CAPS2: variants seen among roughly 807,000 people sequenced by gnomAD.
The protein encoded by CAPS2 is calcyphosine 2, also known as calcyphosin-2.
A neutral mutation model predicts 86.5 loss-of-function variants in CAPS2; 98 were observed. The observed-to-expected ratio is 1.13, with a 90% confidence interval of 0.96 to 1.34. The LOEUF is 1.34. Ranked by LOEUF, CAPS2 falls within the 40% of genes most tolerant of loss-of-function variation. The pLI is 0.00. For synonymous variants in CAPS2, 210 were observed against 225.1 expected, an observed-to-expected ratio of 0.93 and a Z score of 0.60; for missense variants, 729 against 686.8, an observed-to-expected ratio of 1.06 and a Z score of -0.69.
intron 1 of CAPS2, among the ~76,000 whole-genome samples, chr12:75,388,757 C>G (rs577990612): frequency 2.6e-4 from 39 of 152,002 alleles, no homozygotes; most frequent in Non-Finnish European, 3.8e-4. Context: ...ATGTGCAACA[C>G]CAAGAATGAG....
At chr12:75,278,113 A>T (rs577282807) in exon 17 of CAPS2, 1 of 915,364 alleles carries the variant, frequency 1.1e-6, no homozygotes, top group Admixed American at 6.2e-5. Context: ...AATAAAGAAC[A>T]TTTCCCTTTC....
intron 1 of CAPS2, among the ~76,000 whole-genome samples, chr12:75,386,591 A>T (rs1206312294): frequency 6.6e-6 from 1 of 152,170 alleles, no homozygotes; most frequent in East Asian, 1.9e-4. Flanking sequence ...CCTCTTAAAG[A>T]TCCCACCCCT....
chr12:75,316,925 T>A (rs1017004590), intron 5 of CAPS2, among the ~76,000 whole-genome samples: 1 of 152,148 alleles, frequency 6.6e-6, no homozygotes, highest in African/African-American at 2.4e-5. Context: ...AAATACCAAA[T>A]TGTTCTTTGA....
intron 1 of CAPS2, among the ~76,000 whole-genome samples, chr12:75,381,075 G>A (rs377123499): frequency 6.6e-6 from 1 of 152,092 alleles, no homozygotes; most frequent in African/African-American, 2.4e-5. Context: ...ATCTCAACTT[G>A]AATTGTATCT....
At chr12:75,335,182 CT>C (rs2139218610) in intron 1 of CAPS2, among the ~76,000 whole-genome samples, 1 of 152,214 alleles carries the variant, frequency 6.6e-6, no homozygotes, top group Non-Finnish European at 1.5e-5. Context: ...GTTATAAGTA[CT>C]GAACACAGGA....
upstream of CAPS2, among the ~76,000 whole-genome samples, chr12:75,328,832 A>C (rs2041029872): frequency 6.6e-6 from 1 of 152,262 alleles, no homozygotes; most frequent in Non-Finnish European, 1.5e-5. Flanking sequence ...TAAATAAGTG[A>C]AGTCAGTCAA....
At position 75,325,307 on chromosome 12, in the gene CAPS2, C is replaced by A; in HGVS notation, c.82-19G>T. The A allele has an allele frequency of 2.7e-6, 4 of 1,479,384 alleles. No individual in the cohort carries two copies. Among genetic ancestry groups the A allele is most frequent in the Admixed American group, 2.1e-5 (1 of 48,764 alleles). The allele number at this position is 1,479,384 out of a possible 1,614,324, so 91.6% of individuals were successfully genotyped here. On this transcript the variant is annotated intron_variant, in intron 1 of 16. Transcript: ENST00000393284. The stretch of plus-strand genomic sequence containing the variant: ...ACCTTTGCTTTAATTAAAAAAAAAA[C>A]TTTTTGAATCAGTATAAATATGAAT...
At chr12:75,381,308 C>A (rs1212828982) in intron 1 of CAPS2, among the ~76,000 whole-genome samples, 3 of 152,166 alleles carry the variant, frequency 2.0e-5, no homozygotes, top group South Asian at 2.1e-4. Flanking sequence ...CCTAGCCATG[C>A]GGAACCGTAC....
upstream of CAPS2, among the ~76,000 whole-genome samples, chr12:75,328,639 C>T (rs886148300): frequency 3.3e-5 from 5 of 152,218 alleles, no homozygotes; most frequent in Admixed American, 6.5e-5. Context: ...CCTTTCTCTG[C>T]ATCTAACTGT....
At chr12:75,301,519 G>A (rs1170092327) in intron 8 of CAPS2, among the ~76,000 whole-genome samples, 2 of 152,170 alleles carry the variant, frequency 1.3e-5, no homozygotes, top group Non-Finnish European at 2.9e-5. Context: ...GAATTTCCCA[G>A]ATACTAGTCA....
intron 1 of CAPS2, among the ~76,000 whole-genome samples, chr12:75,336,412 A>G (rs1163586177): frequency 1.3e-5 from 2 of 151,826 alleles, no homozygotes; most frequent in African/African-American, 4.8e-5. Flanking sequence ...ATCAGATTGG[A>G]TTAATGCTTT....
At chr12:75,289,727 C>A (rs765196232) in exon 14 of CAPS2, 1 of 1,612,762 alleles carries the variant, frequency 6.2e-7, no homozygotes, top group East Asian at 2.2e-5. Flanking sequence ...TTTTCCCAAT[C>A]CAGTCAAAAT....
chr12:75,369,803 A>G, intron 1 of CAPS2: 2 of 982,158 alleles, frequency 2.0e-6, no homozygotes, highest in Non-Finnish European at 2.4e-6. Flanking sequence ...AAGAGTTTTA[A>G]GTACTGTAGG....
intron 6 of CAPS2, 97 bp from the exon 7 acceptor site, chr12:75,313,012 T>A (rs1228762985): frequency 7.6e-6 from 5 of 655,654 alleles, no homozygotes; most frequent in African/African-American, 1.8e-5. Flanking sequence ...ATATCTCTGA[T>A]TTCCGTCTTA....
Position 75,277,597 on chromosome 12 carries a change from G to A in CAPS2, c.*1293C>T, listed in dbSNP as rs188572775. 4 of 980,860 alleles carry A rather than the reference G, an allele frequency of 4.1e-6. No homozygotes were observed. In the African/African-American group the frequency reaches 7.0e-5, roughly 17 times the overall value. The allele number at this position is 980,860 out of a possible 1,614,324, so 60.8% of individuals were successfully genotyped here. On this transcript the variant is annotated 3_prime_UTR_variant, in exon 17 of 17. Coordinates refer to ENST00000393284, the Ensembl canonical transcript of CAPS2. Reference sequence around the variant, plus strand: ...CACATATTTTCCCTCTCATGTTTTAGTATTAAGTTTTAGTACCTTCTCACA... The same window carrying A: ...CACATATTTTCCCTCTCATGTTTTAATATTAAGTTTTAGTACCTTCTCACA...
At chr12:75,317,158 C>T (rs181389966) in intron 5 of CAPS2, among the ~76,000 whole-genome samples, 13 of 152,176 alleles carry the variant, frequency 8.5e-5, no homozygotes, top group Admixed American at 3.9e-4. Context: ...TTGCTTGCCT[C>T]TCCTAATGTA....
At chr12:75,366,157 T>G (rs1440055203) in intron 1 of CAPS2, among the ~76,000 whole-genome samples, 1 of 152,188 alleles carries the variant, frequency 6.6e-6, no homozygotes, top group Non-Finnish European at 1.5e-5. Context: ...TTATGACTAC[T>G]CTTAACTTTA....
intron 15 of CAPS2, among the ~76,000 whole-genome samples, chr12:75,284,668 C>T (rs149215344): frequency 1.2e-4 from 18 of 152,032 alleles, no homozygotes; most frequent in African/African-American, 2.7e-4. Context: ...CATATATTCA[C>T]GTAGCTAGTC....
chr12:75,376,286 T>C (rs1418437332), intron 1 of CAPS2, among the ~76,000 whole-genome samples: 1 of 152,202 alleles, frequency 6.6e-6, no homozygotes, highest in African/African-American at 2.4e-5. Context: ...GATCCAACTT[T>C]ATGTTTCTTC....
Sources: allele counts gnomAD v4.1 joint callset (sites outside exome capture counted in the v4.1 genomes callset), GRCh38; gene constraint gnomAD v4.1.1; transcripts MANE v1.5; gene names NCBI Gene and HGNC (gene_info 2026-07-23, HGNC 2026-07-21).